The following ANO2 variants were observed in gnomAD, a reference collection of about 807,000 sequenced individuals.
ANO2 encodes the protein anoctamin 2, also known as anoctamin-2.
Under a neutral mutation model 124.2 loss-of-function variants are expected in ANO2, and 101 were observed. The observed-to-expected ratio is 0.81, with a 90% confidence interval of 0.69 to 0.96. ANO2 has a LOEUF of 0.96. ANO2 is among the 40% of genes least tolerant of loss of function. The probability of loss-of-function intolerance (pLI) is 0.00; values close to 1 mark genes in which losing one functional copy is unlikely to be tolerated. For missense variants in ANO2, 1,293 were observed against 1,274.5 expected, an observed-to-expected ratio of 1.01 and a Z score of -0.22; for synonymous variants, 486 against 482.5, an observed-to-expected ratio of 1.01 and a Z score of -0.09.
At chr12:5,936,649 G>T (rs1169599534) in intron 1 of ANO2, among the ~76,000 whole-genome samples, 3 of 152,332 alleles carry the variant, frequency 2.0e-5, no homozygotes, top group Non-Finnish European at 4.4e-5. Flanking sequence ...TTTTGTTAGA[G>T]TGAGCAAACT....
At chr12:5,916,207 G>T (rs1009992343) in intron 3 of ANO2, among the ~76,000 whole-genome samples, 1 of 152,168 alleles carries the variant, frequency 6.6e-6, no homozygotes, top group Non-Finnish European at 1.5e-5. Context: ...CACCTGGGGA[G>T]TTGAGCCTGC....
At position 5,786,372 on chromosome 12, in the gene ANO2, G is replaced by A. The variant is rs186878870; in HGVS notation, c.1055+13135C>T. Among the ~76,000 whole-genome samples the A allele has an allele frequency of 3.0e-3, 451 of 152,220 alleles. 2 individuals carry two copies. The highest frequency in any genetic ancestry group is 4.7e-3 in the Non-Finnish European group (317 of 68,000). ...GACCCCACACATCCTTCTAACTCCC[G>A]GGTCAGTACTGTCTGTATTAAACTT... On this transcript the variant is annotated intron_variant, in intron 10 of 24. Coordinates refer to ENST00000682330, the MANE Select transcript of ANO2 (RefSeq NM_001364791.2).
At position 5,732,619 on chromosome 12, in the gene ANO2, C is replaced by T; in HGVS notation, c.1446G>A (p.Arg482=). Reference sequence around the variant, plus strand: ...CTCGAACTTTGGTTTCATACTCAGGCCTGGAATGTTCCTAAACCAAAGAGC... The same window carrying T: ...CTCGAACTTTGGTTTCATACTCAGGTCTGGAATGTTCCTAAACCAAAGAGC... ...TGIEEEEEHS[R]PEYETKVREK... is the part of the protein sequence containing the mutation. The change falls in exon 14 of 25, where the codon AGG becomes AGA. Residue 482 remains arginine (R), a synonymous_variant. Coordinates refer to ENST00000682330, the MANE Select transcript of ANO2 (RefSeq NM_001364791.2). 1 of 1,613,508 alleles carries T rather than the reference C, an allele frequency of 6.2e-7. No individual in the cohort carries two copies. Among genetic ancestry groups the T allele is most frequent in the Non-Finnish European group, 8.5e-7 (1 of 1,179,672 alleles).
intron 3 of ANO2, among the ~76,000 whole-genome samples, chr12:5,888,218 C>G (rs562821227): frequency 6.6e-6 from 1 of 151,182 alleles, no homozygotes; most frequent in Admixed American, 6.6e-5. Flanking sequence ...TAAGGCGGCG[C>G]GTCTGGAGTT....
intron 9 of ANO2, among the ~76,000 whole-genome samples, chr12:5,800,171 C>G (rs1373890973): frequency 6.6e-6 from 1 of 152,148 alleles, no homozygotes; most frequent in Non-Finnish European, 1.5e-5. Context: ...CCAGGCAGGA[C>G]AGTCTTCTTG....
At chr12:5,829,973 G>A (rs1303212661) in intron 6 of ANO2, among the ~76,000 whole-genome samples, 4 of 152,174 alleles carry the variant, frequency 2.6e-5, no homozygotes, top group Admixed American at 2.0e-4. Flanking sequence ...ACTCTGTCAT[G>A]GGAGTTGAAA....
At chr12:5,736,717 C>T (rs1950879982) in intron 13 of ANO2, among the ~76,000 whole-genome samples, 1 of 152,182 alleles carries the variant, frequency 6.6e-6, no homozygotes, top group South Asian at 2.1e-4. Context: ...AGGACCCTCC[C>T]TGACCCGGTC....
At chr12:5,869,992 A>G (rs1955528158) in intron 3 of ANO2, among the ~76,000 whole-genome samples, 1 of 152,144 alleles carries the variant, frequency 6.6e-6, no homozygotes, top group Non-Finnish European at 1.5e-5. Flanking sequence ...CCCTCCCCAC[A>G]CCATCAGCCC....
intron 13 of ANO2, among the ~76,000 whole-genome samples, chr12:5,734,079 C>A (rs1367942515): frequency 6.6e-6 from 1 of 152,178 alleles, no homozygotes; most frequent in Admixed American, 6.5e-5. Flanking sequence ...CACAGCATTT[C>A]CTAATGTGTG....
At chr12:5,706,429 G>A (rs1481651298) in intron 14 of ANO2, among the ~76,000 whole-genome samples, 1 of 151,828 alleles carries the variant, frequency 6.6e-6, no homozygotes, top group East Asian at 1.9e-4. Flanking sequence ...ACCTGCCCCG[G>A]GGCCTTTGCA....
intron 14 of ANO2, among the ~76,000 whole-genome samples, chr12:5,703,269 T>C (rs1949476169): frequency 6.6e-6 from 1 of 152,210 alleles, no homozygotes; most frequent in South Asian, 2.1e-4. Context: ...ACAATTTAGA[T>C]GAAGTTTACA....
At chr12:5,598,256 T>C (rs1805867364) in intron 20 of ANO2, among the ~76,000 whole-genome samples, 1 of 152,242 alleles carries the variant, frequency 6.6e-6, no homozygotes, top group Non-Finnish European at 1.5e-5. Flanking sequence ...GGTGCAATGA[T>C]ACTAAGCACT....
chr12:5,905,945 C>T (rs1940647931), intron 3 of ANO2, among the ~76,000 whole-genome samples: 1 of 152,186 alleles, frequency 6.6e-6, no homozygotes, highest in Non-Finnish European at 1.5e-5. Flanking sequence ...CTTCATCCCA[C>T]CCCGGCTTCT....
At chr12:5,679,819 T>C (rs532261551) in intron 14 of ANO2, among the ~76,000 whole-genome samples, 1 of 152,324 alleles carries the variant, frequency 6.6e-6, no homozygotes, top group South Asian at 2.1e-4. Flanking sequence ...ATCATTCTAT[T>C]ATAAAGACAC....
Position 5,635,718 on chromosome 12 carries a change from T to TA in ANO2, c.1621-372dup, listed in dbSNP as rs1437142491. Reference sequence around the variant, plus strand: ...GGGAGCTTTTGATCTTCTAAAGAGATAACATGAACTCCTTTTAAATAAACC... The same window carrying TA: ...GGGAGCTTTTGATCTTCTAAAGAGATAAACATGAACTCCTTTTAAATAAACC... On this transcript the variant is annotated intron_variant, in intron 15 of 24. Coordinates refer to ENST00000682330, the MANE Select transcript of ANO2 (RefSeq NM_001364791.2). This position sits in a 1 kb window ranked among gnomAD's most constrained non-coding sequence, Gnocchi z 5.2. Among the ~76,000 whole-genome samples the TA allele has an allele frequency of 2.0e-5, 3 of 151,952 alleles. No homozygotes were observed. The highest frequency in any genetic ancestry group is 4.4e-5 in the Non-Finnish European group (3 of 68,002).
intron 7 of ANO2, among the ~76,000 whole-genome samples, chr12:5,824,671 G>C (rs1375113346): frequency 6.6e-6 from 1 of 152,146 alleles, no homozygotes; most frequent in Non-Finnish European, 1.5e-5. Context: ...CAGTTCCAAT[G>C]TTGCTTCCAC....
chr12:5,594,591 T>C (rs1591692808), intron 20 of ANO2, among the ~76,000 whole-genome samples: 1 of 152,176 alleles, frequency 6.6e-6, no homozygotes, highest in African/African-American at 2.4e-5. Flanking sequence ...ATCCCAGCAA[T>C]TTCAGAGGCC....
intron 4 of ANO2, among the ~76,000 whole-genome samples, chr12:5,853,572 G>A (rs575439956): frequency 9.1e-4 from 139 of 152,212 alleles, no homozygotes; most frequent in African/African-American, 3.3e-3. Context: ...GAAGAGATAA[G>A]TGAAACCCAC....
intron 6 of ANO2, among the ~76,000 whole-genome samples, chr12:5,829,899 G>A (rs1954096430): frequency 6.6e-6 from 1 of 152,156 alleles, no homozygotes; most frequent in Non-Finnish European, 1.5e-5. Context: ...CTATTGAATG[G>A]GCTGGTGATA....
Sources: allele counts gnomAD v4.1 joint callset (sites outside exome capture counted in the v4.1 genomes callset), GRCh38; gene constraint gnomAD v4.1.1; non-coding constraint Gnocchi (gnomAD v3.1); transcripts MANE v1.5; gene names NCBI Gene and HGNC (gene_info 2026-07-23, HGNC 2026-07-21).